The following DDT variants were observed in gnomAD, a reference collection of about 807,000 sequenced individuals.
DDT encodes the protein D-dopachrome decarboxylase.
In DDT, 4 loss-of-function variants were observed where a neutral mutation model predicts 2.5. The observed-to-expected ratio is 1.59, with a 90% CI of 0.78 to 3.63. The LOEUF is 3.63. Among genes scored for constraint, DDT ranks in the 30% most tolerant of loss-of-function variants. The pLI is 0.01. For missense variants in DDT, 32 were observed against 30.0 expected (o/e 1.07, Z -0.15); for synonymous variants, 11 against 10.0 (o/e 1.10, Z -0.19).
At position 23,971,589 on chromosome 22, in the gene DDT, G is replaced by A; in HGVS notation, c.319C>T (p.Gln107Ter). 1 of 1,614,110 alleles carries A rather than the reference G, an allele frequency of 6.2e-7. No individual in the cohort carries two copies. Among genetic ancestry groups the A allele is most frequent in the Non-Finnish European group, 8.5e-7 (1 of 1,180,012 alleles). Residue 107 changes from glutamine (Q) to a stop codon, truncating the protein, a stop_gained, in exon 3 of 3, where the codon CAG (glutamine) becomes TAG (stop). Coordinates refer to ENST00000398344, the MANE Select transcript of DDT (RefSeq NM_001084392.3). LOFTEE classifies it high-confidence loss of function. ...ATGACCGTCCCTATCTTGCCAATCT[G>A]CCAGGACTCCAAGGGGAAAAAGCGG... ...LIRFFPLESW[Q>*]IGKIGTVMTF...
chr22:23,972,103 C>T, intron 2 of DDT: 1 of 921,362 alleles, frequency 1.1e-6, no homozygotes, highest in Non-Finnish European at 1.3e-6. Context: ...GAACTTGGGA[C>T]AGCCTGGTTG....
At chr22:23,972,513 GT>G (rs2033927008) in intron 2 of DDT, 2 of 184,602 alleles carry the variant, frequency 1.1e-5, no homozygotes, top group African/African-American at 4.8e-5. Flanking sequence ...TAGTTGTATT[GT>G]TTAGGGAATA....
At chr22:23,972,540 G>C (rs1320486484) in intron 2 of DDT, 1 of 873,902 alleles carries the variant, frequency 1.1e-6, no homozygotes, top group African/African-American at 1.8e-5. Flanking sequence ...AAGGAATAAA[G>C]TCTATACGTA....
At chr22:23,971,656 T>A (rs2033906522) in intron 2 of DDT, 33 bp from the exon 3 acceptor site, 1 of 1,593,914 alleles carries the variant, frequency 6.3e-7, no homozygotes, top group Non-Finnish European at 8.6e-7. Flanking sequence ...TATCATCAGC[T>A]CCTTGGCTAA....
At position 23,971,400 on chromosome 22, in the gene DDT, CAT is replaced by C; in HGVS notation, c.*149_*150del. On this transcript the variant is annotated 3_prime_UTR_variant, in exon 3 of 3. Coordinates refer to ENST00000398344, the MANE Select transcript of DDT (RefSeq NM_001084392.3). ...ATGAGGAAGCTCTCTTCATTTATTT[CAT>C]ATGAGGATGAAGAAGAGGATTATGT... is the stretch of plus-strand genomic sequence containing the variant. 1.2e-6 allele frequency: 2 copies of C among 1,613,354 alleles called. No individual in the cohort carries two copies. The highest frequency in any genetic ancestry group is 1.7e-6 in the Non-Finnish European group (2 of 1,179,612).
chr22:23,972,715 A>G, intron 2 of DDT: 1 of 897,668 alleles, frequency 1.1e-6, no homozygotes, highest in Non-Finnish European at 1.3e-6. Context: ...ATCGACCTTC[A>G]TGGACTAACA....
intron 2 of DDT, chr22:23,971,861 G>A (rs184274968): frequency 8.6e-5 from 46 of 532,096 alleles, no homozygotes; most frequent in Admixed American, 4.3e-4. Flanking sequence ...ACACAATACA[G>A]TAGCCTCGGT....
Position 23,971,577 on chromosome 22 carries a change from T to C in DDT, c.331A>G (p.Ile111Val). The change falls in exon 3 of 3, where the codon ATA becomes GTA. Residue 111 changes from isoleucine (I) to valine (V), a missense_variant. Ile to Val is a conservative substitution (Grantham distance 29). Transcript: ENST00000398344. The part of the protein sequence containing the change: ...FPLESWQIGK[I>V]GTVMTFL ...CATAAAAAAGTCATGACCGTCCCTA[T>C]CTTGCCAATCTGCCAGGACTCCAAG... The C allele has an allele frequency of 6.2e-7, 1 of 1,614,148 alleles. No homozygotes were observed. Among genetic ancestry groups the C allele is most frequent in the Non-Finnish European group, 8.5e-7 (1 of 1,180,008 alleles).
chr22:23,972,333 C>T (rs1028324232), intron 2 of DDT: 10 of 581,922 alleles, frequency 1.7e-5, no homozygotes, highest in Admixed American at 6.6e-5. Context: ...CCTGAGTATC[C>T]GTGGGAGATT....
At chr22:23,972,080 G>C in intron 2 of DDT, 1 of 768,398 alleles carries the variant, frequency 1.3e-6, no homozygotes. Flanking sequence ...CAAGTTTCCA[G>C]TGAGGAAAAC....
chr22:23,971,432 A>G lies in DDT; in HGVS notation c.*119T>C. ...GGATGAAGAAGAGGATTATGTGATC[A>G]CAGGAATGTTGCATGCGGGATAATC... On this transcript the variant is annotated 3_prime_UTR_variant, in exon 3 of 3. Transcript: ENST00000398344. 3 of 1,610,842 alleles carry G rather than the reference A, an allele frequency of 1.9e-6. No individual in the cohort carries two copies. Among genetic ancestry groups the G allele is most frequent in the Non-Finnish European group, 2.5e-6 (3 of 1,178,032 alleles).
At chr22:23,971,745 T>C (rs1289015545) in intron 2 of DDT, 122 bp from the exon 3 acceptor site, 1 of 829,658 alleles carries the variant, frequency 1.2e-6, no homozygotes, top group East Asian at 2.6e-5. Flanking sequence ...ACCAGGCATT[T>C]TGCAAACCTG....
rs757957648 is a variant in DDT, at chr22:23,971,528, G to A, written c.*23C>T. 24 of 1,613,194 alleles carry A rather than the reference G, an allele frequency of 1.5e-5. No individual in the cohort carries two copies. The African/African-American group carries it at 2.0e-4, about 13-fold the overall frequency. On this transcript the variant is annotated 3_prime_UTR_variant, in exon 3 of 3. Transcript: ENST00000398344. Reference sequence around the variant, plus strand: ...TGGAAGAAGCAGCCAGTTCACAGATGCCCTGGATCCCTCCGTGCCCAATCA... The same window carrying A: ...TGGAAGAAGCAGCCAGTTCACAGATACCCTGGATCCCTCCGTGCCCAATCA...
chr22:23,972,696 C>T (rs1302714390), intron 2 of DDT: 1 of 937,238 alleles, frequency 1.1e-6, no homozygotes, highest in Admixed American at 7.4e-5. Context: ...GCAGGATCAG[C>T]CATTCCTCAT....
chr22:23,975,607 CTTCT>C (rs1481307367), upstream of DDT, among the ~76,000 whole-genome samples: 9 of 75,708 alleles, frequency 1.2e-4, no homozygotes, highest in Non-Finnish European at 2.2e-4. Context: ...GCAAGATTCT[CTTCT>C]TTATTTTCTA....
intron 2 of DDT, 91 bp from the exon 3 acceptor site, chr22:23,971,714 C>G: frequency 5.9e-6 from 7 of 1,180,742 alleles, no homozygotes; most frequent in Non-Finnish European, 8.5e-6. Flanking sequence ...TGTGGGTACT[C>G]AGGACAGCCT....
At chr22:23,971,714 C>A in intron 2 of DDT, 91 bp from the exon 3 acceptor site, 1 of 1,180,740 alleles carries the variant, frequency 8.5e-7, no homozygotes, top group Non-Finnish European at 1.2e-6. Flanking sequence ...TGTGGGTACT[C>A]AGGACAGCCT....
Position 23,971,478 on chromosome 22 carries a change from C to T in DDT, c.*73G>A. The stretch of plus-strand genomic sequence containing the variant: ...TAATCCAAAGCTGGTTATCTCCAGG[C>T]CCTCACTCTGCCAAGAGATCTCTCT... On this transcript the variant is annotated 3_prime_UTR_variant, in exon 3 of 3. Coordinates refer to ENST00000398344, the MANE Select transcript of DDT (RefSeq NM_001084392.3). 6.2e-7 allele frequency: 1 copy of T among 1,607,738 alleles called. No homozygotes were observed. Among genetic ancestry groups the T allele is most frequent in the South Asian group, 1.1e-5 (1 of 90,444 alleles).
At chr22:23,971,648 T>C (rs771086922) in intron 2 of DDT, 25 bp from the exon 3 acceptor site, 87 of 1,597,008 alleles carry the variant, frequency 5.4e-5, no homozygotes, top group Non-Finnish European at 7.0e-5. Context: ...GAAAAAGATA[T>C]CATCAGCTCC....
Sources: allele counts gnomAD v4.1 joint callset (sites outside exome capture counted in the v4.1 genomes callset), GRCh38; gene constraint gnomAD v4.1.1; transcripts MANE v1.5; gene names NCBI Gene and HGNC (gene_info 2026-07-23, HGNC 2026-07-21).